IARS2: variants seen among roughly 807,000 people sequenced by gnomAD.
The protein encoded by IARS2 is isoleucyl-tRNA synthetase 2, mitochondrial, also known as isoleucine--tRNA ligase, mitochondrial.
In IARS2, 56 loss-of-function variants were observed where a neutral mutation model predicts 126.3. The observed-to-expected ratio is 0.44, with a 90% CI of 0.36 to 0.55. IARS2 has a LOEUF of 0.55. IARS2 is among the 20% of genes least tolerant of loss of function. IARS2 has a pLI of 0.00. For missense variants in IARS2, 1,127 were observed against 1,245.9 expected, an observed-to-expected ratio of 0.90 and a Z score of 1.44; for synonymous variants, 407 against 441.1, an observed-to-expected ratio of 0.92 and a Z score of 0.97.
At chr1:220,130,288 G>C (rs1657233150) in intron 14 of IARS2, among the ~76,000 whole-genome samples, 1 of 152,120 alleles carries the variant, frequency 6.6e-6, no homozygotes, top group African/African-American at 2.4e-5. Flanking sequence ...CAGACAAATA[G>C]TTTGCAAAGA....
At chr1:220,132,175 G>T (rs1345714340) in intron 14 of IARS2, among the ~76,000 whole-genome samples, 4 of 152,078 alleles carry the variant, frequency 2.6e-5, no homozygotes, top group African/African-American at 9.7e-5. Flanking sequence ...GCCTGGTTTT[G>T]GTATCAGGGT....
At chr1:220,119,966 T>C (rs1463527704) in intron 12 of IARS2, among the ~76,000 whole-genome samples, 1 of 152,154 alleles carries the variant, frequency 6.6e-6, no homozygotes, top group Non-Finnish European at 1.5e-5. Flanking sequence ...TTTTTAGATT[T>C]TGTTTGAACA....
chr1:220,108,387 T>C (rs1229680477), intron 10 of IARS2, among the ~76,000 whole-genome samples: 11 of 150,094 alleles, frequency 7.3e-5, no homozygotes, highest in Non-Finnish European at 1.6e-4. Flanking sequence ...TTTTTTATTT[T>C]ATTTTTATTT....
chr1:220,138,737 G>A (rs1465157130), intron 17 of IARS2, among the ~76,000 whole-genome samples: 1 of 152,076 alleles, frequency 6.6e-6, no homozygotes, highest in Non-Finnish European at 1.5e-5. Flanking sequence ...CTACTGAAAG[G>A]TGATTTGCCC....
intron 19 of IARS2, among the ~76,000 whole-genome samples, chr1:220,140,637 C>T (rs1156962455): frequency 6.6e-6 from 1 of 151,686 alleles, no homozygotes; most frequent in East Asian, 2.0e-4. Flanking sequence ...TTGTGTTTGG[C>T]AACCGTCAGG....
intron 12 of IARS2, among the ~76,000 whole-genome samples, chr1:220,123,016 C>T (rs1290624586): frequency 3.3e-5 from 5 of 149,568 alleles, no homozygotes; most frequent in Non-Finnish European, 7.4e-5. Context: ...ACAGTGTTAT[C>T]AATTGTAATT....
Position 220,100,688 on chromosome 1 carries a change from A to G in IARS2, c.550+39A>G, listed in dbSNP as rs201800664. The G allele has an allele frequency of 6.6e-5, 99 of 1,504,724 alleles. No individual in the cohort carries two copies. In the African/African-American group the frequency reaches 1.2e-3, roughly 18 times the overall value. 93.2% of individuals were successfully genotyped at this position (1,504,724 alleles called of 1,614,324 possible). ...ATTTCTGTTTTAAAATGATATTTGTAAACACTCAGGTCCTTGAAATAGTCA... is the reference window on the plus strand; with the variant it reads ...ATTTCTGTTTTAAAATGATATTTGTGAACACTCAGGTCCTTGAAATAGTCA... On this transcript the variant is annotated intron_variant, in intron 3 of 22. Coordinates refer to ENST00000366922, the MANE Select transcript of IARS2 (RefSeq NM_018060.4).
chr1:220,113,090 C>G (rs1361882225), intron 11 of IARS2, among the ~76,000 whole-genome samples: 1 of 152,140 alleles, frequency 6.6e-6, no homozygotes, highest in Non-Finnish European at 1.5e-5. Context: ...GTCTTGAACT[C>G]CTGAGCTCGG....
At position 220,141,808 on chromosome 1, in the gene IARS2, A is replaced by G. The variant is rs1396392776; in HGVS notation, c.2420A>G (p.Tyr807Cys). Reference sequence around the variant, plus strand: ...AATAAGTTGTTCTTGTTCAGGCTCTATTGTGAAAAGGAAAATGACCCCAAA... The same window carrying G: ...AATAAGTTGTTCTTGTTCAGGCTCTGTTGTGAAAAGGAAAATGACCCCAAA... ...FYFSIIKDRLYCEKENDPKRR... is the reference protein window; with the variant it reads ...FYFSIIKDRLCCEKENDPKRR... The change falls in exon 20 of 23, where the codon TAT (tyrosine) becomes TGT (cysteine). Residue 807 changes from tyrosine (Y) to cysteine (C), a missense_variant. Coordinates refer to ENST00000366922, the MANE Select transcript of IARS2 (RefSeq NM_018060.4). 4 of 1,613,820 alleles carry G rather than the reference A, an allele frequency of 2.5e-6. No individual in the cohort carries two copies. The highest frequency in any genetic ancestry group is 3.4e-6 in the Non-Finnish European group (4 of 1,179,844).
intron 15 of IARS2, among the ~76,000 whole-genome samples, chr1:220,135,070 G>C (rs1331956958): frequency 3.3e-5 from 5 of 151,778 alleles, no homozygotes; most frequent in African/African-American, 1.2e-4. Flanking sequence ...GCCTGGCCTA[G>C]AACTAGATCT....
chr1:220,096,279 C>A (rs1448261163), intron 2 of IARS2, 53 bp downstream of exon 2: 4 of 1,135,424 alleles, frequency 3.5e-6, no homozygotes, highest in African/African-American at 3.1e-5. Flanking sequence ...TGTAAATACT[C>A]TTTATAAATG....
At chr1:220,137,253 A>G (rs979593502) in intron 16 of IARS2, among the ~76,000 whole-genome samples, 1 of 152,214 alleles carries the variant, frequency 6.6e-6, no homozygotes, top group Non-Finnish European at 1.5e-5. Flanking sequence ...GTGTTGGCAC[A>G]TTGCTGTCTG....
intron 12 of IARS2, among the ~76,000 whole-genome samples, chr1:220,120,364 G>T (rs1657014176): frequency 6.7e-6 from 1 of 148,974 alleles, no homozygotes; most frequent in African/African-American, 2.5e-5. Context: ...TTATAGGCGT[G>T]AACCACCGCG....
intron 12 of IARS2, among the ~76,000 whole-genome samples, chr1:220,123,414 A>G (rs111618562): frequency 3.7e-4 from 57 of 152,262 alleles, no homozygotes; most frequent in African/African-American, 1.3e-3. Flanking sequence ...TAGAATACCA[A>G]CTTACTGATA....
chr1:220,131,411 G>A (rs183741843), intron 14 of IARS2, among the ~76,000 whole-genome samples: 7 of 152,234 alleles, frequency 4.6e-5, no homozygotes, highest in African/African-American at 1.7e-4. Flanking sequence ...GAGTGCAATG[G>A]CGTGACCTGG....
At chr1:220,112,760 A>G (rs956390302) in intron 11 of IARS2, among the ~76,000 whole-genome samples, 3 of 151,938 alleles carry the variant, frequency 2.0e-5, no homozygotes, top group South Asian at 4.2e-4. Flanking sequence ...GGTTTTGTCA[A>G]GTTGCCCCGG....
rs573896687 is a variant in IARS2 at position 220,145,309 on chromosome 1, A to G, written c.2752-200A>G. On this transcript the variant is annotated intron_variant, in intron 21 of 22. Transcript: ENST00000366922. ...CAAAGTGAAGTGCCTGGCATTCTCA[A>G]TAAATACTGTTGATGGAAATATTTA... Among the ~76,000 whole-genome samples, 5 of 152,340 alleles carry G rather than the reference A, an allele frequency of 3.3e-5. No individual in the cohort carries two copies. The East Asian group carries it at 9.6e-4, about 29-fold the overall frequency.
At chr1:220,140,374 G>C (rs1657461441) in intron 19 of IARS2, 85 bp downstream of exon 19, 2 of 804,930 alleles carry the variant, frequency 2.5e-6, no homozygotes, top group Non-Finnish European at 4.1e-6. Flanking sequence ...GGGAGGCCGA[G>C]GCGGGTGGAT....
intron 1 of IARS2, among the ~76,000 whole-genome samples, 165 bp from the exon 2 acceptor site, chr1:220,095,939 G>T (rs1307014286): frequency 6.6e-6 from 1 of 152,142 alleles, no homozygotes; most frequent in East Asian, 1.9e-4. Context: ...ACTTTGACAC[G>T]CATTTCAGAA....
Sources: gnomAD v4.1 joint callset for allele counts (sites outside exome capture counted in the v4.1 genomes callset) on GRCh38, gnomAD v4.1.1 for gene constraint, MANE v1.5 for transcripts, NCBI Gene and HGNC (gene_info 2026-07-23, HGNC 2026-07-21) for gene names.